Variants in DDX31 observed in about 807,000 individuals in gnomAD.
The protein encoded by DDX31 is ATP-dependent DNA helicase DDX31.
In DDX31, 70 loss-of-function variants were observed where a neutral mutation model predicts 91.3. The observed-to-expected ratio is 0.77, with a 90% CI of 0.63 to 0.94. DDX31 has a LOEUF of 0.94. Among genes scored for constraint, DDX31 ranks in the 40% least tolerant of loss-of-function variants. The pLI is 0.00. For missense variants in DDX31, 902 were observed against 925.0 expected, an observed-to-expected ratio of 0.98 and a Z score of 0.32; for synonymous variants, 362 against 350.6, an observed-to-expected ratio of 1.03 and a Z score of -0.36.
chr9:132,669,158 G>A (rs1256093950), intron 1 of DDX31, among the ~76,000 whole-genome samples: 1 of 152,062 alleles, frequency 6.6e-6, no homozygotes, highest in African/African-American at 2.4e-5. Context: ...TTGAAAGGTG[G>A]TAGACTCTTA....
chr9:132,630,416 A>C lies in DDX31; in HGVS notation c.1492-13T>G. ...ATGGAGCGTTGTACTAAAAAGGGTA[A>C]CAAAAATGAAGGCATTCATAGATCA... On this transcript the variant is annotated splice_polypyrimidine_tract_variant and intron_variant, in intron 15 of 19. Coordinates refer to ENST00000372159, the MANE Select transcript of DDX31 (RefSeq NM_022779.9). The C allele has an allele frequency of 6.3e-7, 1 of 1,576,280 alleles. No individual in the cohort carries two copies. The highest frequency in any genetic ancestry group is 8.7e-7 in the Non-Finnish European group (1 of 1,150,440).
intron 14 of DDX31, among the ~76,000 whole-genome samples, chr9:132,634,647 CAGTGGCACAA>C (rs917592828): frequency 7.3e-6 from 1 of 136,852 alleles, no homozygotes; most frequent in African/African-American, 2.7e-5. Flanking sequence ...GGCTGGAGTG[CAGTGGCACAA>C]TCACTGCTCA....
chr9:132,624,140 A>G (rs1036299499), intron 17 of DDX31, among the ~76,000 whole-genome samples: 1 of 137,756 alleles, frequency 7.3e-6, no homozygotes, highest in Non-Finnish European at 1.5e-5. Context: ...GCACTCCAGC[A>G]TGGGCGACAG....
intron 14 of DDX31, among the ~76,000 whole-genome samples, 192 bp downstream of exon 14, chr9:132,641,812 G>A (rs1194292829): frequency 6.6e-6 from 1 of 152,136 alleles, no homozygotes; most frequent in Non-Finnish European, 1.5e-5. Context: ...TCTTCTGCAC[G>A]GTGGTGGCTG....
intron 18 of DDX31, among the ~76,000 whole-genome samples, chr9:132,617,997 C>T (rs759195095): frequency 2.0e-5 from 3 of 152,188 alleles, no homozygotes; most frequent in East Asian, 1.9e-4. Flanking sequence ...TTTCTACTAA[C>T]GTGTCACATG....
intron 19 of DDX31, among the ~76,000 whole-genome samples, chr9:132,605,046 T>TGACA (rs1830933753): frequency 6.6e-6 from 1 of 152,214 alleles, no homozygotes; most frequent in Non-Finnish European, 1.5e-5. Context: ...ACAGAATGAC[T>TGACA]GACAAGCAGC....
rs1831485040 is a variant in DDX31, at chr9:132,613,839, G to C, written c.1826-1584C>G. ...ATTCCCTTGAGGAAAGATTCTCGTA[G>C]ATTGAATATCTGGAAGTAACAATGA... is the stretch of plus-strand genomic sequence containing the variant. On this transcript the variant is annotated intron_variant, in intron 18 of 19. Coordinates refer to ENST00000372159, the MANE Select transcript of DDX31 (RefSeq NM_022779.9). Among the ~76,000 whole-genome samples the C allele has an allele frequency of 1.3e-5, 2 of 152,310 alleles. 1 individual carries two copies. The highest frequency in any genetic ancestry group is 1.3e-4 in the Admixed American group (2 of 15,300).
At chr9:132,632,279 C>CACACACACACACACAG (rs1832830932) in intron 14 of DDX31, among the ~76,000 whole-genome samples, 188 bp from the exon 15 acceptor site, 1 of 147,476 alleles carries the variant, frequency 6.8e-6, no homozygotes, top group South Asian at 2.1e-4. Flanking sequence ...CACACACACA[C>CACACACACACACACAG]ACACACACAC....
intron 12 of DDX31, among the ~76,000 whole-genome samples, chr9:132,646,387 G>A (rs1269039287): frequency 6.6e-6 from 1 of 152,100 alleles, no homozygotes; most frequent in Non-Finnish European, 1.5e-5. Flanking sequence ...ACACTACCTG[G>A]CTGAGACCCT....
At chr9:132,654,924 C>A (rs909727805) in intron 6 of DDX31, among the ~76,000 whole-genome samples, 4 of 119,692 alleles carry the variant, frequency 3.3e-5, no homozygotes, top group African/African-American at 9.8e-5. Flanking sequence ...CCAACCAGGG[C>A]AACAGAGCGA....
intron 18 of DDX31, among the ~76,000 whole-genome samples, chr9:132,617,486 G>A (rs1047121511): frequency 2.0e-5 from 3 of 151,932 alleles, no homozygotes; most frequent in Admixed American, 1.3e-4. Context: ...AATAGTGCCC[G>A]ATTTGATAAA....
intron 17 of DDX31, among the ~76,000 whole-genome samples, chr9:132,620,650 C>T (rs1831969078): frequency 6.6e-6 from 1 of 152,098 alleles, no homozygotes; most frequent in African/African-American, 2.4e-5. Context: ...TTTAAAATTG[C>T]CCCTCTTGAG....
At chr9:132,643,508 C>T (rs1833627968) in intron 13 of DDX31, among the ~76,000 whole-genome samples, 1 of 152,244 alleles carries the variant, frequency 6.6e-6, no homozygotes. Context: ...TCACTGAGTA[C>T]ACTGGATAAA....
At chr9:132,603,715 C>A (rs180683293) in intron 19 of DDX31, among the ~76,000 whole-genome samples, 1 of 152,188 alleles carries the variant, frequency 6.6e-6, no homozygotes, top group South Asian at 2.1e-4. Flanking sequence ...TTGGGCAGCT[C>A]CAGCAGTGAA....
chr9:132,669,596 C>T, intron 1 of DDX31: 1 of 1,507,450 alleles, frequency 6.6e-7, no homozygotes, highest in Non-Finnish European at 8.9e-7. Flanking sequence ...CCTCTAATTC[C>T]TTCCTTTACT....
intron 13 of DDX31, 55 bp downstream of exon 13, chr9:132,645,840 C>T: frequency 6.4e-7 from 1 of 1,554,436 alleles, no homozygotes; most frequent in Non-Finnish European, 8.7e-7. Context: ...CAGGTTCGCC[C>T]CCATCTCCAC....
chr9:132,651,154 TCC>T, intron 7 of DDX31, 38 bp from the exon 8 acceptor site: 1 of 1,502,004 alleles, frequency 6.7e-7, no homozygotes, highest in Non-Finnish European at 9.0e-7. Flanking sequence ...ATGAACAGGA[TCC>T]CCCTTTTTTT....
chr9:132,630,167 G>T, intron 16 of DDX31, 97 bp downstream of exon 16: 2 of 1,372,608 alleles, frequency 1.5e-6, no homozygotes, highest in Non-Finnish European at 2.0e-6. Context: ...AAGGGTTAAT[G>T]GCTCTTCGTC....
At position 132,594,928 on chromosome 9, in the gene DDX31, A is replaced by G; in HGVS notation, c.2179T>C (p.Leu727=). The change falls in exon 20 of 20, where the codon TTA becomes CTA. Residue 727 remains leucine, a synonymous_variant. Transcript: ENST00000372159. The part of the protein sequence containing the change: ...PTPCFGRGKT[L]KWRKTQKGVQ... ...CCTTTTTGGGTTTTTCTCCATTTTA[A>G]TGTTTTCCCACGGCCAAAGCAGGGT... 2.5e-6 allele frequency: 4 copies of G among 1,614,032 alleles called. No individual in the cohort carries two copies. Among genetic ancestry groups the G allele is most frequent in the Non-Finnish European group, 2.5e-6 (3 of 1,180,022 alleles).
Sources: gnomAD v4.1 joint callset for allele counts (sites outside exome capture counted in the v4.1 genomes callset) on GRCh38, gnomAD v4.1.1 for gene constraint, MANE v1.5 for transcripts, NCBI Gene and HGNC (gene_info 2026-07-23, HGNC 2026-07-21) for gene names.